SEPTIN11: variants seen among roughly 807,000 people sequenced by gnomAD.
SEPTIN11 encodes septin-11.
SEPTIN11 carries 25 observed loss-of-function variants against 51.4 expected under a neutral mutation model. The ratio of observed to expected loss-of-function variants is 0.49; its 90% CI spans 0.35 to 0.68. The LOEUF is 0.68. Among genes scored for constraint, SEPTIN11 ranks in the 30% least tolerant of loss-of-function variants. SEPTIN11 has a pLI of 0.00. For synonymous variants in SEPTIN11, 174 were observed against 184.1 expected, an observed-to-expected ratio of 0.95 and a Z score of 0.44; for missense variants, 381 against 520.8, an observed-to-expected ratio of 0.73 and a Z score of 2.61.
chr4:77,034,481 G>T lies in SEPTIN11; in HGVS notation c.1275-16G>T, dbSNP rs759355245. The T allele has an allele frequency of 1.3e-6, 2 of 1,525,584 alleles. No individual in the cohort carries two copies. Among genetic ancestry groups the T allele is most frequent in the Non-Finnish European group, 1.8e-6 (2 of 1,141,868 alleles). 94.5% of individuals were successfully genotyped at this position (1,525,584 alleles called of 1,614,324 possible). ...TTATTATTTCTAACTTTTTTGTTTTGTTTTTTAACTTGCAGTGCAAGCTTC... is the reference window on the plus strand; with the variant it reads ...TTATTATTTCTAACTTTTTTGTTTTTTTTTTTAACTTGCAGTGCAAGCTTC... On this transcript the variant is annotated splice_polypyrimidine_tract_variant and intron_variant, in intron 9 of 9. Coordinates refer to ENST00000264893, the MANE Select transcript of SEPTIN11 (RefSeq NM_018243.4).
intron 1 of SEPTIN11, among the ~76,000 whole-genome samples, chr4:76,976,988 T>A (rs950243194): frequency 2.0e-4 from 31 of 152,212 alleles, no homozygotes; most frequent in African/African-American, 7.5e-4. Flanking sequence ...TATGTTTTTT[T>A]CCTTATTTGC....
In SEPTIN11 at chr4:77,035,604, G is replaced by C; in HGVS notation, c.*1092G>C. On this transcript the variant is annotated 3_prime_UTR_variant, in exon 10 of 10. Coordinates refer to ENST00000264893, the MANE Select transcript of SEPTIN11 (RefSeq NM_018243.4). ...CAAGAAGGTAGACATTTCATATCCA[G>C]CTTCCTTGCTTAGTCTCCTTTCAGT... The C allele has an allele frequency of 1.0e-6, 1 of 985,404 alleles. No homozygotes were observed. The highest frequency in any genetic ancestry group is 1.7e-5 in the African/African-American group (1 of 57,340). The allele number at this position is 985,404 out of a possible 1,614,324, so 61.0% of individuals were successfully genotyped here.
chr4:76,990,024 AC>A (rs1723271465), intron 1 of SEPTIN11, among the ~76,000 whole-genome samples: 1 of 152,158 alleles, frequency 6.6e-6, no homozygotes, highest in South Asian at 2.1e-4. Flanking sequence ...GAGCAAAAGA[AC>A]AAAGCTTCCA....
chr4:76,969,589 GCGAATTTTTCTTAAGAAA>G (rs1722161302), intron 1 of SEPTIN11, among the ~76,000 whole-genome samples: 3 of 152,266 alleles, frequency 2.0e-5, no homozygotes, highest in Non-Finnish European at 2.9e-5. Context: ...ATGTATCCAT[GCGAATTTTTCTTAAGAAA>G]TTAGAAAAGA....
At chr4:76,979,667 T>C (rs1722667488) in intron 1 of SEPTIN11, among the ~76,000 whole-genome samples, 1 of 152,046 alleles carries the variant, frequency 6.6e-6, no homozygotes. Context: ...GCGGATCACC[T>C]GAGGTCAGGA....
At chr4:77,010,895 T>C (rs1043108834) in intron 3 of SEPTIN11, among the ~76,000 whole-genome samples, 2 of 152,210 alleles carry the variant, frequency 1.3e-5, no homozygotes, top group African/African-American at 4.8e-5. Flanking sequence ...AATATACTAC[T>C]TACTTCCTGG....
chr4:77,033,387 C>T (rs1726803430), intron 9 of SEPTIN11, among the ~76,000 whole-genome samples: 1 of 152,218 alleles, frequency 6.6e-6, no homozygotes, highest in Non-Finnish European at 1.5e-5. Flanking sequence ...TATGCTTCCA[C>T]CTCCAAGCCT....
At chr4:77,002,620 A>C (rs1169439223) in intron 2 of SEPTIN11, among the ~76,000 whole-genome samples, 1 of 152,222 alleles carries the variant, frequency 6.6e-6, no homozygotes, top group Non-Finnish European at 1.5e-5. Flanking sequence ...ACTAGCAGTG[A>C]GAACTCTGTT....
intron 1 of SEPTIN11, among the ~76,000 whole-genome samples, chr4:76,955,114 G>T (rs1268558148): frequency 2.0e-5 from 3 of 151,926 alleles, no homozygotes; most frequent in African/African-American, 7.3e-5. Context: ...TATAGAAGTT[G>T]AGGCACAATA....
chr4:77,011,823 C>T lies in SEPTIN11; in HGVS notation c.427C>T (p.His143Tyr), dbSNP rs1466044094. The T allele has an allele frequency of 6.2e-7, 1 of 1,614,028 alleles. No individual in the cohort carries two copies. The highest frequency in any genetic ancestry group is 1.3e-5 in the African/African-American group (1 of 75,028). ...LKIKRSLFNY[H>Y]DTRIHACLYF... The stretch of plus-strand genomic sequence containing the variant: ...GATTAAACGTTCTCTCTTCAACTAC[C>T]ATGACACGAGGATCCATGCCTGCCT... Residue 143 changes from histidine (H) to tyrosine (Y), a missense_variant, in exon 4 of 10, where the codon CAT (histidine) becomes TAT (tyrosine). Physicochemically the swap from His to Tyr is moderately conservative, Grantham distance 83 (BLOSUM62 2). This residue lies in a region of SEPTIN11 where 184 missense variants were observed against 207.7 expected (regional missense o/e 0.89). Transcript: ENST00000264893.
rs1013748108 is a variant in SEPTIN11 at position 77,024,352 on chromosome 4, C to T, written c.953+3682C>T. ...TCTTTATCCGCCCCCTGTGCATGCCCGGCTGCTGCCCTGAAGCCTTGAAAC... is the reference window on the plus strand; with the variant it reads ...TCTTTATCCGCCCCCTGTGCATGCCTGGCTGCTGCCCTGAAGCCTTGAAAC... On this transcript the variant is annotated intron_variant, in intron 7 of 9. Coordinates refer to ENST00000264893, the MANE Select transcript of SEPTIN11 (RefSeq NM_018243.4). This position sits in a 1 kb window ranked among gnomAD's most constrained non-coding sequence, Gnocchi z 4.2. 3.9e-5 allele frequency among the ~76,000 whole-genome samples: 6 copies of T among 152,122 alleles called. No individual in the cohort carries two copies. Among genetic ancestry groups the T allele is most frequent in the East Asian group, 1.9e-4 (1 of 5,188 alleles).
At chr4:76,954,634 A>G (rs1194905642) in intron 1 of SEPTIN11, among the ~76,000 whole-genome samples, 1 of 152,244 alleles carries the variant, frequency 6.6e-6, no homozygotes, top group Non-Finnish European at 1.5e-5. Flanking sequence ...TTGCTGGGCG[A>G]TCTAAAATGA....
At chr4:76,975,190 T>G (rs1369810407) in intron 1 of SEPTIN11, among the ~76,000 whole-genome samples, 1 of 151,936 alleles carries the variant, frequency 6.6e-6, no homozygotes, top group East Asian at 1.9e-4. Flanking sequence ...GAACACAGCT[T>G]GAGTTACTCT....
At chr4:77,005,551 G>A (rs1247032795) in intron 2 of SEPTIN11, 50 bp from the exon 3 acceptor site, 1 of 1,506,774 alleles carries the variant, frequency 6.6e-7, no homozygotes, top group African/African-American at 1.4e-5. Context: ...TTGAACTGAT[G>A]TCTGAGAGAC....
At chr4:76,960,044 T>C (rs1721763047) in intron 1 of SEPTIN11, among the ~76,000 whole-genome samples, 1 of 152,202 alleles carries the variant, frequency 6.6e-6, no homozygotes, top group African/African-American at 2.4e-5. Flanking sequence ...CAAGAGTTTT[T>C]AAGAGAATTG....
At chr4:76,965,679 A>G (rs1722008850) in intron 1 of SEPTIN11, among the ~76,000 whole-genome samples, 1 of 152,184 alleles carries the variant, frequency 6.6e-6, no homozygotes, top group Non-Finnish European at 1.5e-5. Flanking sequence ...TGCTTGCACC[A>G]ATGATATTTA....
At chr4:76,955,442 A>G (rs1721518786) in intron 1 of SEPTIN11, among the ~76,000 whole-genome samples, 1 of 152,204 alleles carries the variant, frequency 6.6e-6, no homozygotes, top group Non-Finnish European at 1.5e-5. Flanking sequence ...AATCCAATGT[A>G]GCAGGAACGT....
chr4:77,035,428 A>G lies in SEPTIN11; in HGVS notation c.*916A>G, dbSNP rs1726960176. The G allele has an allele frequency of 5.1e-6, 5 of 985,248 alleles. No individual in the cohort carries two copies. The highest frequency in any genetic ancestry group is 6.0e-6 in the Non-Finnish European group (5 of 829,872). The allele number at this position is 985,248 out of a possible 1,614,324, so 61.0% of individuals were successfully genotyped here. Reference sequence around the variant, plus strand: ...TGATTCCAGGATACTTGTACTTCTAATAACATTTTTCATGAATCATGAGAA... The same window carrying G: ...TGATTCCAGGATACTTGTACTTCTAGTAACATTTTTCATGAATCATGAGAA... On this transcript the variant is annotated 3_prime_UTR_variant, in exon 10 of 10. Transcript: ENST00000264893.
intron 1 of SEPTIN11, among the ~76,000 whole-genome samples, chr4:76,991,913 A>G (rs990407424): frequency 1.2e-4 from 18 of 152,254 alleles, no homozygotes; most frequent in African/African-American, 4.1e-4. Context: ...ATTGTATCTA[A>G]GAGGATATGT....
Sources: gnomAD v4.1 joint callset for allele counts (sites outside exome capture counted in the v4.1 genomes callset) on GRCh38, gnomAD v4.1.1 for gene constraint, gnomAD v4.1.1 regional missense constraint, Gnocchi (gnomAD v3.1) non-coding constraint, MANE v1.5 for transcripts, NCBI Gene and HGNC (gene_info 2026-07-23, HGNC 2026-07-21) for gene names.